Variants in CRYL1 observed in about 807,000 individuals in gnomAD.
CRYL1 encodes crystallin lambda 1, also known as lambda-crystallin homolog.
Under a neutral mutation model 36.6 loss-of-function variants are expected in CRYL1, and 29 were observed. The ratio of observed to expected loss-of-function variants is 0.79; its 90% confidence interval spans 0.59 to 1.08. The LOEUF (loss-of-function observed/expected upper bound fraction) is 1.08. Ranked by LOEUF, CRYL1 falls within the 50% of genes least tolerant of loss-of-function variation. The pLI, the probability that CRYL1 is intolerant of heterozygous loss-of-function variation, is 0.00. For synonymous variants in CRYL1, 152 were observed against 151.5 expected (o/e 1.00, Z -0.02); for missense variants, 411 against 407.9 (o/e 1.01, Z -0.06).
chr13:20,518,474 G>C (rs1221756189), intron 1 of CRYL1, among the ~76,000 whole-genome samples: 4 of 152,230 alleles, frequency 2.6e-5, no homozygotes, highest in Middle Eastern at 3.4e-3. Context: ...AGGGGCGGTG[G>C]GGGGAGAGGA....
At chr13:20,501,230 G>T (rs1188866274) in intron 2 of CRYL1, among the ~76,000 whole-genome samples, 4 of 152,128 alleles carry the variant, frequency 2.6e-5, no homozygotes, top group Non-Finnish European at 4.4e-5. Context: ...TGGTGTTTTG[G>T]TAACAAAACC....
At chr13:20,445,811 A>T (rs192581073) in intron 3 of CRYL1, among the ~76,000 whole-genome samples, 17 of 152,364 alleles carry the variant, frequency 1.1e-4, no homozygotes, top group Non-Finnish European at 2.2e-4. Flanking sequence ...CAACTAAATA[A>T]TAAAAATTAG....
intron 3 of CRYL1, among the ~76,000 whole-genome samples, chr13:20,456,774 C>A (rs1264949822): frequency 1.3e-5 from 2 of 152,130 alleles, no homozygotes; most frequent in Non-Finnish European, 2.9e-5. Flanking sequence ...CTCTTCATGG[C>A]CTTTCTGCAC....
At chr13:20,480,531 A>G (rs2033254952) in intron 3 of CRYL1, among the ~76,000 whole-genome samples, 1 of 152,246 alleles carries the variant, frequency 6.6e-6, no homozygotes, top group African/African-American at 2.4e-5. Context: ...GTTGCCTTCT[A>G]ACATTCTGCT....
chr13:20,437,109 C>T (rs1030410707), intron 4 of CRYL1, among the ~76,000 whole-genome samples: 27 of 151,854 alleles, frequency 1.8e-4, no homozygotes, highest in Non-Finnish European at 1.3e-4. Context: ...CTGCAGTGAG[C>T]TTTGATGGCA....
intron 2 of CRYL1, among the ~76,000 whole-genome samples, chr13:20,511,909 T>TAG (rs2033923595): frequency 6.6e-6 from 1 of 152,240 alleles, no homozygotes; most frequent in Non-Finnish European, 1.5e-5. Context: ...TCTCACACCT[T>TAG]TAACTAGTAC....
chr13:20,485,817 C>G (rs568138578), intron 3 of CRYL1, among the ~76,000 whole-genome samples: 1 of 152,318 alleles, frequency 6.6e-6, no homozygotes, highest in South Asian at 2.1e-4. Context: ...TACTAAATAC[C>G]TTCCTTGCAG....
intron 2 of CRYL1, among the ~76,000 whole-genome samples, chr13:20,505,072 A>C (rs1163061737): frequency 6.6e-6 from 1 of 152,162 alleles, no homozygotes; most frequent in East Asian, 1.9e-4. Flanking sequence ...GAATCAGAAT[A>C]TGGCTGGGCA....
chr13:20,439,313 C>A (rs532954808), intron 4 of CRYL1, among the ~76,000 whole-genome samples: 8 of 152,140 alleles, frequency 5.3e-5, no homozygotes, highest in South Asian at 2.1e-4. Flanking sequence ...TATTCCGTTG[C>A]ACATTAGGTA....
intron 3 of CRYL1, among the ~76,000 whole-genome samples, chr13:20,478,935 T>G (rs1235937645): frequency 6.6e-6 from 1 of 151,860 alleles, no homozygotes; most frequent in Non-Finnish European, 1.5e-5. Flanking sequence ...TTTTTTTTTT[T>G]TGTATTTTAG....
chr13:20,436,052 A>T (rs9509211), intron 4 of CRYL1, among the ~76,000 whole-genome samples: 58,165 of 152,108 alleles, frequency 0.38, 11,703 homozygotes, highest in South Asian at 0.56. Flanking sequence ...CATACATCCA[A>T]TATTTACCAC....
intron 3 of CRYL1, among the ~76,000 whole-genome samples, chr13:20,453,609 A>C (rs2032618781): frequency 6.6e-6 from 1 of 152,152 alleles, no homozygotes; most frequent in Non-Finnish European, 1.5e-5. Flanking sequence ...ACTGAAAAAA[A>C]GCAAATTAAA....
chr13:20,454,457 G>A (rs1346462099), intron 3 of CRYL1, among the ~76,000 whole-genome samples: 3 of 143,078 alleles, frequency 2.1e-5, no homozygotes, highest in Admixed American at 7.2e-5. Flanking sequence ...TGCTCTTGTC[G>A]CCCAGGCTGG....
At chr13:20,485,705 A>AAGAAAAGAAAAGAAAAGAAC (rs1304967263) in intron 3 of CRYL1, among the ~76,000 whole-genome samples, 1 of 151,832 alleles carries the variant, frequency 6.6e-6, no homozygotes, top group African/African-American at 2.4e-5. Context: ...AAGAAAAGAA[A>AAGAAAAGAAAAGAAAAGAAC]AGAAATGTGT....
At chr13:20,460,311 G>A (rs9578281) in intron 3 of CRYL1, among the ~76,000 whole-genome samples, 31,301 of 151,824 alleles carry the variant, frequency 0.21, 3,496 homozygotes, top group East Asian at 0.42. Context: ...GAAAGAGTCA[G>A]CATTTTTGAA....
intron 1 of CRYL1, among the ~76,000 whole-genome samples, chr13:20,521,675 A>T (rs9579882): frequency 0.025 from 3,732 of 152,324 alleles, 157 homozygotes; most frequent in African/African-American, 0.085. Context: ...GTGAATGCAG[A>T]TGAACATTTA....
chr13:20,476,524 A>G (rs764660346), intron 3 of CRYL1, among the ~76,000 whole-genome samples: 2 of 152,190 alleles, frequency 1.3e-5, no homozygotes, highest in Non-Finnish European at 2.9e-5. Context: ...GTCTTTGAAT[A>G]TTGACTTTCA....
At position 20,475,915 on chromosome 13, in the gene CRYL1, A is replaced by C. The variant is rs138034159; in HGVS notation, c.276+13455T>G. Among the ~76,000 whole-genome samples the C allele has an allele frequency of 6.6e-3, 1,008 of 152,312 alleles. 6 individuals carry two copies. Among genetic ancestry groups the C allele is most frequent in the African/African-American group, 0.023 (959 of 41,556 alleles). On this transcript the variant is annotated intron_variant, in intron 3 of 7. Transcript: ENST00000298248. ...TCACAGGCAGAGAGCCTGTTAAAGG[A>C]AGGCTGTGTAAGTGTACTCAGTCAG...
At chr13:20,428,455 C>T (rs948032038) in intron 5 of CRYL1, among the ~76,000 whole-genome samples, 7 of 152,156 alleles carry the variant, frequency 4.6e-5, no homozygotes, top group East Asian at 3.8e-4. Flanking sequence ...AATCCACAGA[C>T]AAATATGTCC....
Sources: gnomAD v4.1 joint callset for allele counts (sites outside exome capture counted in the v4.1 genomes callset) on GRCh38, gnomAD v4.1.1 for gene constraint, MANE v1.5 for transcripts, NCBI Gene and HGNC (gene_info 2026-07-23, HGNC 2026-07-21) for gene names.